Variants in ARHGEF28 observed in about 807,000 individuals in gnomAD.
ARHGEF28 encodes the protein 190 kDa guanine nucleotide exchange factor.
In ARHGEF28, 152 loss-of-function variants were observed where a neutral mutation model predicts 206.6. The ratio of observed to expected loss-of-function variants is 0.74; its 90% CI spans 0.64 to 0.84. The LOEUF is 0.84. Ranked by LOEUF, ARHGEF28 falls within the 40% of genes least tolerant of loss-of-function variation. ARHGEF28 has a pLI of 0.00. For missense variants in ARHGEF28, 2,028 were observed against 2,073.2 expected (o/e 0.98, Z 0.42); for synonymous variants, 763 against 776.4 (o/e 0.98, Z 0.29).
At chr5:73,746,773 G>A (rs748763733) in intron 2 of ARHGEF28, among the ~76,000 whole-genome samples, 1 of 151,900 alleles carries the variant, frequency 6.6e-6, no homozygotes, top group Non-Finnish European at 1.5e-5. Flanking sequence ...AATTTCCATG[G>A]GTCCATGTGT....
intron 10 of ARHGEF28, among the ~76,000 whole-genome samples, chr5:73,835,802 T>A (rs191131220): frequency 3.4e-4 from 52 of 151,708 alleles, no homozygotes; most frequent in Non-Finnish European, 6.3e-4. Flanking sequence ...TAGTGGGGAG[T>A]CTTGTGGGAC....
At chr5:73,693,162 C>A (rs1747949500) in intron 2 of ARHGEF28, among the ~76,000 whole-genome samples, 1 of 152,146 alleles carries the variant, frequency 6.6e-6, no homozygotes. Flanking sequence ...TTGTTAGTGG[C>A]AGATCCCACA....
Position 73,887,621 on chromosome 5 carries a change from T to TAACTGATG in ARHGEF28, c.3330_3337dup (p.Val1113GlufsTer46). ...TTTAAAGATATCCTAGCTCTACTTC[T>TAACTGATG]AACTGATGTGCTGCTCTTTTTACAA... is the stretch of plus-strand genomic sequence containing the variant. On this transcript the variant is annotated frameshift_variant, in exon 26 of 36. Coordinates refer to ENST00000513042, the MANE Select transcript of ARHGEF28 (RefSeq NM_001177693.2). LOFTEE classifies it high-confidence loss of function. 6.4e-7 allele frequency: 1 copy of TAACTGATG among 1,570,122 alleles called. No homozygotes were observed.
intron 4 of ARHGEF28, among the ~76,000 whole-genome samples, chr5:73,763,898 C>G (rs779565853): frequency 2.6e-5 from 4 of 152,206 alleles, no homozygotes; most frequent in Non-Finnish European, 4.4e-5. Flanking sequence ...AAGCAGGCAG[C>G]TAGTTCCTTA....
At chr5:73,750,053 C>T in intron 3 of ARHGEF28, 69 bp downstream of exon 3, 6 of 1,561,396 alleles carry the variant, frequency 3.8e-6, no homozygotes, top group South Asian at 1.2e-5. Context: ...GGGCTGTAGG[C>T]CAGGAAGAGA....
chr5:73,759,483 ATGTT>A (rs1412464571), intron 4 of ARHGEF28, among the ~76,000 whole-genome samples: 4 of 152,192 alleles, frequency 2.6e-5, no homozygotes, highest in African/African-American at 7.2e-5. Context: ...TTGAAGGAGA[ATGTT>A]TGTTTTTCTA....
intron 4 of ARHGEF28, among the ~76,000 whole-genome samples, chr5:73,759,629 A>G (rs73116583): frequency 0.077 from 11,690 of 152,216 alleles, 821 homozygotes; most frequent in African/African-American, 0.19. Context: ...TTTTAATTCA[A>G]TAGCTTTTTG....
Position 73,854,656 on chromosome 5 carries a change from C to A in ARHGEF28, c.1790+1964C>A, listed in dbSNP as rs1039590511. Among the ~76,000 whole-genome samples the A allele has an allele frequency of 7.2e-5, 11 of 152,026 alleles. No homozygotes were observed. The South Asian group carries it at 1.0e-3, about 14-fold the overall frequency. On this transcript the variant is annotated intron_variant, in intron 14 of 35. Transcript: ENST00000513042. ...GACCAGCCTAGTCAACATGAGGAAACCCTGTTTCTACTAAAATATACAAAA... is the reference window on the plus strand; with the variant it reads ...GACCAGCCTAGTCAACATGAGGAAAACCTGTTTCTACTAAAATATACAAAA...
chr5:73,815,449 A>G (rs751079353), intron 9 of ARHGEF28, among the ~76,000 whole-genome samples: 5 of 152,232 alleles, frequency 3.3e-5, no homozygotes, highest in Admixed American at 1.3e-4. Flanking sequence ...GGAGATACAC[A>G]AAGTCATTAT....
chr5:73,835,492 G>A (rs1757575296), intron 10 of ARHGEF28, among the ~76,000 whole-genome samples: 1 of 149,944 alleles, frequency 6.7e-6, no homozygotes, highest in Non-Finnish European at 1.5e-5. Flanking sequence ...AAACCCAAAA[G>A]GACTGGGTTC....
chr5:73,914,391 C>CTTTTTT (rs571265796), intron 35 of ARHGEF28, among the ~76,000 whole-genome samples: 11 of 102,934 alleles, frequency 1.1e-4, no homozygotes, highest in East Asian at 3.0e-4. Flanking sequence ...TTCTGAATTG[C>CTTTTTT]TTTTTTTTTT....
intron 33 of ARHGEF28, chr5:73,909,193 TCTATAAATTCA>T (rs776598974): frequency 2.4e-5 from 12 of 490,440 alleles, no homozygotes; most frequent in Admixed American, 1.1e-4. Flanking sequence ...GTTTCTTTTC[TCTATAAATTCA>T]CAGGTCCTAC....
intron 1 of ARHGEF28, among the ~76,000 whole-genome samples, chr5:73,666,196 T>G (rs1371076441): frequency 1.3e-5 from 2 of 152,142 alleles, no homozygotes; most frequent in East Asian, 3.9e-4. Flanking sequence ...AAAAATAACA[T>G]TTAGTCTTAA....
At chr5:73,921,717 G>T (rs1160202943) in intron 35 of ARHGEF28, among the ~76,000 whole-genome samples, 1 of 152,128 alleles carries the variant, frequency 6.6e-6, no homozygotes, top group Non-Finnish European at 1.5e-5. Flanking sequence ...GTGAATGTTT[G>T]TATTAAATAC....
chr5:73,895,099 A>T (rs1761888199), intron 29 of ARHGEF28, among the ~76,000 whole-genome samples: 1 of 152,090 alleles, frequency 6.6e-6, no homozygotes, highest in Non-Finnish European at 1.5e-5. Flanking sequence ...AAGGACTTGG[A>T]ATTTCATCCT....
intron 1 of ARHGEF28, among the ~76,000 whole-genome samples, chr5:73,656,406 C>A (rs1745203400): frequency 6.6e-6 from 1 of 152,188 alleles, no homozygotes; most frequent in African/African-American, 2.4e-5. Context: ...CCTATCTCTG[C>A]TAGTGGCAAT....
Position 73,795,503 on chromosome 5 carries a change from C to G in ARHGEF28, c.1024+112C>G, listed in dbSNP as rs2112487706. 5 of 953,932 alleles carry G rather than the reference C, an allele frequency of 5.2e-6. No homozygotes were observed. In the East Asian group the frequency reaches 1.2e-4, roughly 23 times the overall value. 59.1% of individuals were successfully genotyped at this position (953,932 alleles called of 1,614,324 possible). ...AAATATTCCTTCCTGGTAACCTTAT[C>G]TATTTCCTGAAACGCATCCAGATAA... On this transcript the variant is annotated intron_variant, in intron 9 of 35. Coordinates refer to ENST00000513042, the MANE Select transcript of ARHGEF28 (RefSeq NM_001177693.2).
At chr5:73,808,446 C>T (rs886223167) in intron 9 of ARHGEF28, among the ~76,000 whole-genome samples, 3 of 152,282 alleles carry the variant, frequency 2.0e-5, no homozygotes, top group Middle Eastern at 6.8e-3. Context: ...ATTTTCTGTA[C>T]AACATAGCCT....
At chr5:73,842,106 A>G (rs1297694761) in intron 11 of ARHGEF28, among the ~76,000 whole-genome samples, 2 of 151,790 alleles carry the variant, frequency 1.3e-5, no homozygotes, top group Non-Finnish European at 2.9e-5. Context: ...CTGATTGTCT[A>G]TTTTCTTTTG....
Sources: allele counts gnomAD v4.1 joint callset (sites outside exome capture counted in the v4.1 genomes callset), GRCh38; gene constraint gnomAD v4.1.1; transcripts MANE v1.5; gene names NCBI Gene and HGNC (gene_info 2026-07-23, HGNC 2026-07-21).